G3BP1: variants seen among roughly 807,000 people sequenced by gnomAD.
The protein encoded by G3BP1 is G3BP stress granule assembly factor 1.
Under a neutral mutation model 58.6 loss-of-function variants are expected in G3BP1, and 35 were observed. The ratio of observed to expected loss-of-function variants is 0.60; its 90% CI spans 0.46 to 0.79. G3BP1 has a LOEUF of 0.79. G3BP1 is among the 30% of genes least tolerant of loss of function. The pLI, the probability that G3BP1 is intolerant of heterozygous loss-of-function variation, is 0.00. For synonymous variants in G3BP1, 191 were observed against 195.4 expected, an observed-to-expected ratio of 0.98 and a Z score of 0.19; for missense variants, 523 against 580.8, an observed-to-expected ratio of 0.90 and a Z score of 1.02.
At position 151,790,320 on chromosome 5, in the gene G3BP1, C is replaced by T. The variant is rs2053062; in HGVS notation, c.96-3C>T. ...ACAAGTAAATCATCTTCCCATTTTA[C>T]AGATTTTATGGAAAGAACTCTTCTT... On this transcript the variant is annotated splice_region_variant and splice_polypyrimidine_tract_variant and intron_variant, in intron 2 of 11. Coordinates refer to ENST00000356245, the MANE Select transcript of G3BP1 (RefSeq NM_005754.3). 7,780 of 1,485,532 alleles carry T rather than the reference C, an allele frequency of 5.2e-3. 444 individuals are homozygous for T. In the Admixed American group the frequency reaches 0.094, roughly 18 times the overall value. 92.0% of individuals were successfully genotyped at this position (1,485,532 alleles called of 1,614,324 possible).
At chr5:151,783,846 T>A (rs1276299569) in intron 1 of G3BP1, among the ~76,000 whole-genome samples, 1 of 152,142 alleles carries the variant, frequency 6.6e-6, no homozygotes, top group Admixed American at 6.6e-5. Flanking sequence ...AACTGCAACC[T>A]CCGCCTCCCG....
intron 1 of G3BP1, among the ~76,000 whole-genome samples, chr5:151,781,754 T>G (rs1452783660): frequency 6.6e-6 from 1 of 152,260 alleles, no homozygotes; most frequent in East Asian, 1.9e-4. Flanking sequence ...ATGATTTTCT[T>G]ATTTTCTTTA....
intron 2 of G3BP1, among the ~76,000 whole-genome samples, chr5:151,788,657 C>T (rs1762595894): frequency 6.6e-6 from 1 of 150,668 alleles, no homozygotes; most frequent in Non-Finnish European, 1.5e-5. Context: ...CTCGCTCTGT[C>T]ACCGAGCCTG....
intron 2 of G3BP1, among the ~76,000 whole-genome samples, chr5:151,788,598 GTGTGTGTGTGTGTGTA>G (rs1762593895): frequency 6.7e-6 from 1 of 150,118 alleles, no homozygotes; most frequent in Non-Finnish European, 1.5e-5. Context: ...GTGTGTGTGT[GTGTGTGTGTGTGTGTA>G]TTATTTATTT....
At chr5:151,788,759 G>A (rs1417105426) in intron 2 of G3BP1, among the ~76,000 whole-genome samples, 1 of 151,732 alleles carries the variant, frequency 6.6e-6, no homozygotes, top group African/African-American at 2.4e-5. Flanking sequence ...GACTATGGGT[G>A]CGCACCACCA....
chr5:151,799,519 C>G (rs2964567), intron 8 of G3BP1, among the ~76,000 whole-genome samples: 5,482 of 152,142 alleles, frequency 0.036, 152 homozygotes, highest in Non-Finnish European at 0.051. Flanking sequence ...GACCCTGTCT[C>G]TACAAAAAAT....
chr5:151,794,984 G>A (rs1260764751), intron 5 of G3BP1, among the ~76,000 whole-genome samples: 4 of 152,200 alleles, frequency 2.6e-5, no homozygotes, highest in Admixed American at 6.5e-5. Flanking sequence ...TAGCCTTAAA[G>A]TCTATCCTTA....
intron 3 of G3BP1, 34 bp downstream of exon 3, chr5:151,790,438 C>A: frequency 1.7e-6 from 2 of 1,206,212 alleles, no homozygotes; most frequent in Non-Finnish European, 2.4e-6. Context: ...GGCTGTTAAG[C>A]AGGTAGAAAA....
In G3BP1 at chr5:151,790,909, G is replaced by A; in HGVS notation, c.198G>A (p.Met66Ile). ...YGQKEIHRKVMSQNFTNCHTK... is the reference protein window; with the variant it reads ...YGQKEIHRKVISQNFTNCHTK... ...TTAAGGAAATCCACAGGAAAGTGAT[G>A]TCACAAAACTTCACCAACTGCCACA... Residue 66 changes from methionine (M) to isoleucine (I), a missense_variant, in exon 4 of 12, where the codon ATG becomes ATA. Met to Ile is a conservative substitution (Grantham distance 10). This residue lies in a region of G3BP1 where 398 missense variants were observed against 399.1 expected (regional missense o/e 1.00). Coordinates refer to ENST00000356245, the MANE Select transcript of G3BP1 (RefSeq NM_005754.3). 4.4e-6 allele frequency: 7 copies of A among 1,595,558 alleles called. No individual in the cohort carries two copies. The highest frequency in any genetic ancestry group is 6.0e-6 in the Non-Finnish European group (7 of 1,166,244).
Position 151,794,183 on chromosome 5 carries a change from G to C in G3BP1, c.376G>C (p.Val126Leu), listed in dbSNP as rs1446259228. The C allele has an allele frequency of 1.2e-6, 2 of 1,609,546 alleles. No individual in the cohort carries two copies. Among genetic ancestry groups the C allele is most frequent in the Non-Finnish European group, 1.7e-6 (2 of 1,176,148 alleles). ...PEGSVANKFYVHNDIFRYQDE... is the reference protein window; with the variant it reads ...PEGSVANKFYLHNDIFRYQDE... Reference sequence around the variant, plus strand: ...GGGGTCTGTTGCAAATAAATTCTATGTTCACAATGATATCTTCAGATACCA... The same window carrying C: ...GGGGTCTGTTGCAAATAAATTCTATCTTCACAATGATATCTTCAGATACCA... Residue 126 changes from valine (V) to leucine (L), a missense_variant, in exon 5 of 12, where the codon GTT becomes CTT. Val to Leu is a conservative substitution (Grantham distance 32). Around this residue, in one of 2 missense-constraint regions of G3BP1, gnomAD observed 398 missense variants for 399.1 expected, o/e 1.00. Transcript: ENST00000356245.
intron 11 of G3BP1, among the ~76,000 whole-genome samples, chr5:151,801,820 T>TA (rs1171967511): frequency 1.4e-5 from 2 of 142,626 alleles, no homozygotes; most frequent in African/African-American, 5.4e-5. Flanking sequence ...TATTTTTTTA[T>TA]TTTTTTTTTT....
At chr5:151,801,174 A>G (rs1165686792) in intron 11 of G3BP1, among the ~76,000 whole-genome samples, 6 of 152,170 alleles carry the variant, frequency 3.9e-5, no homozygotes, top group South Asian at 4.1e-4. Flanking sequence ...TATACAGGAG[A>G]TGAAATACAA....
chr5:151,775,749 A>G (rs1168485959), intron 1 of G3BP1, among the ~76,000 whole-genome samples: 2 of 152,244 alleles, frequency 1.3e-5, no homozygotes, highest in Non-Finnish European at 2.9e-5. Flanking sequence ...AGAAAGAACA[A>G]AGATTTTTTT....
At position 151,799,908 on chromosome 5, in the gene G3BP1, C is replaced by G. The variant is rs777454919; in HGVS notation, c.863C>G (p.Pro288Arg). 6.2e-7 allele frequency: 1 copy of G among 1,610,734 alleles called. No homozygotes were observed. Among genetic ancestry groups the G allele is most frequent in the Non-Finnish European group, 8.5e-7 (1 of 1,177,110 alleles). Residue 288 changes from proline to arginine, a missense_variant, in exon 9 of 12, where the codon CCT becomes CGT. Pro to Arg is a moderately radical substitution (Grantham distance 103). Transcript: ENST00000356245. ...PASQPRPESK[P>R]ESQIPPQRPQ... ...TTTCAGCCCCGTCCAGAGTCTAAGC[C>G]TGAATCTCAGATTCCACCACAAAGA...
Position 151,784,860 on chromosome 5 carries a change from G to A in G3BP1, c.-49-1712G>A, listed in dbSNP as rs535691201. Among the ~76,000 whole-genome samples the A allele has an allele frequency of 1.1e-4, 16 of 152,206 alleles. No homozygotes were observed. In the South Asian group the frequency reaches 3.1e-3, roughly 30 times the overall value. On this transcript the variant is annotated intron_variant, in intron 1 of 11. Coordinates refer to ENST00000356245, the MANE Select transcript of G3BP1 (RefSeq NM_005754.3). ...TTAGGAGCCAGCTGCCACTTAAATG[G>A]AACTGTTTATAGTGTAAATGGGAAA...
intron 2 of G3BP1, 59 bp from the exon 3 acceptor site, chr5:151,790,264 G>A (rs1406844328): frequency 6.7e-6 from 6 of 902,048 alleles, no homozygotes; most frequent in South Asian, 4.8e-5. Flanking sequence ...AGTATCAGAC[G>A]TGAAAAATAA....
rs1173571318 is a variant in G3BP1, at chr5:151,799,963, A to G, written c.918A>G (p.Gln306=). ...RPQRDQRVRE[Q]RINIPPQRGP... ...AGCGGGATCAAAGAGTGCGAGAACA[A>G]CGAATAAATATTCCTCCCCAAAGGG... Residue 306 remains glutamine (Q), a synonymous_variant, in exon 9 of 12, where the codon CAA becomes CAG. Transcript: ENST00000356245. 1.9e-6 allele frequency: 3 copies of G among 1,612,438 alleles called. No homozygotes were observed. Among genetic ancestry groups the G allele is most frequent in the Non-Finnish European group, 2.5e-6 (3 of 1,178,450 alleles).
At chr5:151,793,461 C>CTTAG (rs2113237830) in intron 4 of G3BP1, among the ~76,000 whole-genome samples, 1 of 152,244 alleles carries the variant, frequency 6.6e-6, no homozygotes, top group Admixed American at 6.5e-5. Context: ...CATTTACATG[C>CTTAG]TTAGGGCTTT....
chr5:151,792,121 G>A (rs1337369939), intron 4 of G3BP1: 2 of 456,150 alleles, frequency 4.4e-6, no homozygotes, highest in Admixed American at 2.3e-5. Flanking sequence ...GTTCTTTTTA[G>A]TTATACTTAT....
Sources: allele counts gnomAD v4.1 joint callset (sites outside exome capture counted in the v4.1 genomes callset), GRCh38; gene constraint gnomAD v4.1.1; regional missense constraint gnomAD v4.1.1; transcripts MANE v1.5; gene names NCBI Gene and HGNC (gene_info 2026-07-23, HGNC 2026-07-21).